The following RORA variants were observed in gnomAD, a reference collection of about 807,000 sequenced individuals.
RORA encodes the protein RAR related orphan receptor A, also known as nuclear receptor ROR-alpha.
In RORA, 7 loss-of-function variants were observed where a neutral mutation model predicts 69.5. The ratio of observed to expected loss-of-function variants is 0.10; its 90% confidence interval spans 0.06 to 0.19. RORA has a LOEUF of 0.19. Among genes scored for constraint, RORA ranks in the 10% least tolerant of loss-of-function variants. The probability of loss-of-function intolerance (pLI) is 1.00; values close to 1 mark genes in which losing one functional copy is unlikely to be tolerated. For synonymous variants in RORA, 261 were observed against 240.8 expected (o/e 1.08, Z -0.78); for missense variants, 457 against 663.0 (o/e 0.69, Z 3.41).
intron 1 of RORA, among the ~76,000 whole-genome samples, chr15:60,951,808 A>T (rs928428498): frequency 6.6e-6 from 1 of 152,218 alleles, no homozygotes; most frequent in African/African-American, 2.4e-5. Context: ...ATAATTTACC[A>T]ACCAAAAAGA....
intron 1 of RORA, among the ~76,000 whole-genome samples, chr15:61,079,894 T>G (rs956669974): frequency 1.3e-5 from 2 of 152,196 alleles, no homozygotes; most frequent in Non-Finnish European, 2.9e-5. Context: ...TGTGCGACCA[T>G]GAGCAAGTTA....
chr15:60,865,990 A>T (rs1014180388), intron 1 of RORA, among the ~76,000 whole-genome samples: 3 of 138,288 alleles, frequency 2.2e-5, no homozygotes, highest in African/African-American at 8.0e-5. Context: ...TGATACAAAC[A>T]TACAATATAT....
chr15:60,732,169 A>C (rs1563566), intron 1 of RORA, among the ~76,000 whole-genome samples: 1 of 152,216 alleles, frequency 6.6e-6, no homozygotes, highest in Admixed American at 6.5e-5. Flanking sequence ...TTCTGCATAT[A>C]CACCCCCAAA....
intron 1 of RORA, among the ~76,000 whole-genome samples, chr15:60,981,944 C>T (rs1894056310): frequency 6.6e-6 from 1 of 152,082 alleles, no homozygotes; most frequent in African/African-American, 2.4e-5. Context: ...CAGATTCTCC[C>T]TCCTCTCCAT....
intron 1 of RORA, among the ~76,000 whole-genome samples, chr15:61,209,308 T>C (rs1276223430): frequency 2.0e-5 from 3 of 151,538 alleles, no homozygotes; most frequent in Admixed American, 2.0e-4. Context: ...TTTAAAACAA[T>C]GATACCCCAG....
At chr15:61,069,157 A>C (rs1032538360) in intron 1 of RORA, among the ~76,000 whole-genome samples, 2 of 152,238 alleles carry the variant, frequency 1.3e-5, no homozygotes, top group Non-Finnish European at 2.9e-5. Context: ...TTTAAAAAGA[A>C]GATTAATCAA....
At chr15:61,088,048 G>A (rs929645154) in intron 1 of RORA, among the ~76,000 whole-genome samples, 6 of 152,182 alleles carry the variant, frequency 3.9e-5, no homozygotes, top group South Asian at 4.1e-4. Flanking sequence ...GGTTCAATTC[G>A]GATCTACAGA....
intron 1 of RORA, among the ~76,000 whole-genome samples, chr15:61,165,691 G>A (rs1413679492): frequency 6.6e-6 from 1 of 152,204 alleles, no homozygotes; most frequent in Admixed American, 6.5e-5. Context: ...CTAGGGAAAG[G>A]AGGGGTTCAC....
intron 1 of RORA, among the ~76,000 whole-genome samples, chr15:61,192,163 A>G (rs1237428775): frequency 6.6e-6 from 1 of 152,266 alleles, no homozygotes; most frequent in Admixed American, 6.5e-5. Flanking sequence ...TGATTTATTG[A>G]GAAGGGTGGT....
intron 1 of RORA, among the ~76,000 whole-genome samples, chr15:60,700,629 A>G (rs1230365441): frequency 6.6e-6 from 1 of 150,964 alleles, no homozygotes; most frequent in African/African-American, 2.5e-5. Context: ...CGTTTCCCCA[A>G]CAAAATGCTG....
intron 1 of RORA, among the ~76,000 whole-genome samples, chr15:61,157,385 T>C (rs2079454119): frequency 6.6e-6 from 1 of 152,214 alleles, no homozygotes; most frequent in South Asian, 2.1e-4. Context: ...CAGCTAAACA[T>C]AAAATGTTAA....
At chr15:60,507,896 C>T (rs1040995108) in intron 5 of RORA, among the ~76,000 whole-genome samples, 1 of 152,108 alleles carries the variant, frequency 6.6e-6, no homozygotes, top group Non-Finnish European at 1.5e-5. Context: ...TTCACTTTGT[C>T]TTAAGAAACT....
intron 2 of RORA, among the ~76,000 whole-genome samples, chr15:60,665,785 G>A (rs375439652): frequency 6.6e-6 from 1 of 151,778 alleles, no homozygotes; most frequent in Non-Finnish European, 1.5e-5. Context: ...AGCAATTCTC[G>A]TGCCTCAGCC....
At chr15:60,924,564 A>G (rs947471543) in intron 1 of RORA, among the ~76,000 whole-genome samples, 1 of 152,022 alleles carries the variant, frequency 6.6e-6, no homozygotes, top group Non-Finnish European at 1.5e-5. Flanking sequence ...GTAATGGAAT[A>G]GAAATTCTTG....
chr15:61,215,819 ATGTG>A (rs898574785), intron 1 of RORA, among the ~76,000 whole-genome samples: 1 of 152,228 alleles, frequency 6.6e-6, no homozygotes, highest in Admixed American at 6.5e-5. Context: ...CTACGTCTGC[ATGTG>A]TGTGTATCAC....
chr15:60,582,187 C>G (rs2068213518), intron 2 of RORA, among the ~76,000 whole-genome samples: 1 of 152,112 alleles, frequency 6.6e-6, no homozygotes, highest in Admixed American at 6.5e-5. Context: ...CTTGCTTGTT[C>G]TTAAATTTAT....
At chr15:60,540,444 C>G (rs1157935780) in intron 2 of RORA, among the ~76,000 whole-genome samples, 1 of 152,096 alleles carries the variant, frequency 6.6e-6, no homozygotes, top group African/African-American at 2.4e-5. Flanking sequence ...CATTCTCACA[C>G]CTAAGCCTAC....
chr15:60,962,533 C>T (rs755535976), intron 1 of RORA, among the ~76,000 whole-genome samples: 10 of 152,196 alleles, frequency 6.6e-5, no homozygotes, highest in Admixed American at 2.6e-4. Flanking sequence ...AGCAGCCCCT[C>T]GACATGCCAC....
intron 1 of RORA, among the ~76,000 whole-genome samples, chr15:61,168,096 C>T (rs905794521): frequency 2.6e-5 from 4 of 151,070 alleles, no homozygotes; most frequent in Admixed American, 2.6e-4. Flanking sequence ...CTGTAGAAAA[C>T]TTGTAATGTA....
Sources: allele counts gnomAD v4.1 joint callset (sites outside exome capture counted in the v4.1 genomes callset), GRCh38; gene constraint gnomAD v4.1.1; transcripts MANE v1.5; gene names NCBI Gene and HGNC (gene_info 2026-07-23, HGNC 2026-07-21).